ACVR2A: variants seen among roughly 807,000 people sequenced by gnomAD.
ACVR2A encodes activin receptor type-2A.
A neutral mutation model predicts 61.4 loss-of-function variants in ACVR2A; 7 were observed. The ratio of observed to expected loss-of-function variants is 0.11; its 90% CI spans 0.06 to 0.21. The LOEUF (loss-of-function observed/expected upper bound fraction) is 0.21. Among genes scored for constraint, ACVR2A ranks in the 10% least tolerant of loss-of-function variants. The pLI is 1.00. For missense variants in ACVR2A, 322 were observed against 621.7 expected (o/e 0.52, Z 5.13); for synonymous variants, 193 against 208.3 (o/e 0.93, Z 0.63).
At chr2:147,914,241 A>T (rs1397536186) in intron 4 of ACVR2A, among the ~76,000 whole-genome samples, 1 of 151,904 alleles carries the variant, frequency 6.6e-6, no homozygotes, top group Non-Finnish European at 1.5e-5. Flanking sequence ...AATACTCATT[A>T]TGCAGCCCTC....
intron 1 of ACVR2A, among the ~76,000 whole-genome samples, chr2:147,889,673 G>T (rs1373450208): frequency 6.6e-6 from 1 of 152,072 alleles, no homozygotes; most frequent in Non-Finnish European, 1.5e-5. Flanking sequence ...CATGGACCCA[G>T]GAGGCGGAGG....
In ACVR2A at chr2:147,896,336, C is replaced by T. The variant is rs1246268853; in HGVS notation, c.91C>T (p.Leu31Phe). The change falls in exon 2 of 11, where the codon CTT becomes TTT. Residue 31 changes from leucine (L) to phenylalanine (F), a missense_variant. Physicochemically the swap from Leu to Phe is conservative, Grantham distance 22. Around this residue, in one of 3 missense-constraint regions of ACVR2A, gnomAD observed 142 missense variants for 200.3 expected, o/e 0.71. Transcript: ENST00000241416. ...TGGTAGATCAGAAACTCAGGAGTGT[C>T]TTTTCTTTAATGCTAATTGGGAAAA... is the stretch of plus-strand genomic sequence containing the variant. ...ILGRSETQEC[L>F]FFNANWEKDR... 1 of 1,613,790 alleles carries T rather than the reference C, an allele frequency of 6.2e-7. No homozygotes were observed. Among genetic ancestry groups the T allele is most frequent in the South Asian group, 1.1e-5 (1 of 91,074 alleles).
intron 9 of ACVR2A, among the ~76,000 whole-genome samples, chr2:147,923,766 C>T (rs1441571373): frequency 3.3e-5 from 5 of 151,882 alleles, no homozygotes; most frequent in East Asian, 1.9e-4. Flanking sequence ...GCAAACTTGC[C>T]GACTGCTAAA....
intron 1 of ACVR2A, among the ~76,000 whole-genome samples, chr2:147,878,552 G>T (rs1686216558): frequency 6.6e-6 from 1 of 152,026 alleles, no homozygotes; most frequent in African/African-American, 2.4e-5. Flanking sequence ...CTCTGAGTTT[G>T]AGGGGAAGAC....
intron 1 of ACVR2A, among the ~76,000 whole-genome samples, chr2:147,880,391 C>T (rs1424263048): frequency 6.6e-6 from 1 of 151,894 alleles, no homozygotes; most frequent in African/African-American, 2.4e-5. Flanking sequence ...TTTTATATTT[C>T]TTTATTAATC....
chr2:147,891,792 T>G (rs2105184467), intron 1 of ACVR2A, among the ~76,000 whole-genome samples: 1 of 152,292 alleles, frequency 6.6e-6, no homozygotes, highest in East Asian at 1.9e-4. Context: ...CATAAAAAAA[T>G]TGCCATTCCT....
chr2:147,922,332 C>G (rs1573713799), intron 8 of ACVR2A, among the ~76,000 whole-genome samples: 1 of 151,978 alleles, frequency 6.6e-6, no homozygotes, highest in Admixed American at 6.6e-5. Context: ...CTCTCTAGTT[C>G]GAATACATCG....
intron 1 of ACVR2A, among the ~76,000 whole-genome samples, chr2:147,858,139 T>C (rs371901802): frequency 1.4e-3 from 220 of 152,346 alleles, no homozygotes; most frequent in Non-Finnish European, 2.6e-3. Context: ...GGACGTGCTC[T>C]CGTTTGCTTT....
chr2:147,866,811 G>T (rs1685867792), intron 1 of ACVR2A, among the ~76,000 whole-genome samples: 1 of 152,144 alleles, frequency 6.6e-6, no homozygotes, highest in Non-Finnish European at 1.5e-5. Flanking sequence ...TTCTGATAGG[G>T]ATATCAAATA....
chr2:147,875,452 C>T (rs1686129605), intron 1 of ACVR2A, among the ~76,000 whole-genome samples: 1 of 151,896 alleles, frequency 6.6e-6, no homozygotes, highest in Non-Finnish European at 1.5e-5. Flanking sequence ...TTTATTTAAT[C>T]CTACACATAA....
intron 4 of ACVR2A, among the ~76,000 whole-genome samples, chr2:147,909,708 G>T (rs1307493432): frequency 6.6e-6 from 1 of 152,122 alleles, no homozygotes; most frequent in Non-Finnish European, 1.5e-5. Context: ...CATGATCACA[G>T]CCCACTGCAG....
intron 1 of ACVR2A, among the ~76,000 whole-genome samples, chr2:147,864,828 G>T (rs760138956): frequency 1.3e-5 from 2 of 152,054 alleles, no homozygotes. Context: ...TACTATGTTC[G>T]TCTCATTGTG....
Position 147,899,883 on chromosome 2 carries a change from A to G in ACVR2A, c.513A>G (p.Val171=). ...YRHHKMAYPP[V]LVPTQDPGPP... is the part of the protein sequence containing the mutation. ...ATCACAAGATGGCCTACCCTCCTGT[A>G]CTTGTTCCAACTCAAGTAAGTTATT... The change falls in exon 4 of 11, where the codon GTA becomes GTG. Residue 171 remains valine, a synonymous_variant. Coordinates refer to ENST00000241416, the MANE Select transcript of ACVR2A (RefSeq NM_001616.5). 6.2e-7 allele frequency: 1 copy of G among 1,613,294 alleles called. No individual in the cohort carries two copies. The highest frequency in any genetic ancestry group is 8.5e-7 in the Non-Finnish European group (1 of 1,179,516).
chr2:147,883,465 A>T (rs1220300938), intron 1 of ACVR2A, among the ~76,000 whole-genome samples: 1 of 152,228 alleles, frequency 6.6e-6, no homozygotes, highest in African/African-American at 2.4e-5. Context: ...TGCTGGGATT[A>T]CAGGCATGAG....
chr2:147,867,372 T>C (rs1458368728), intron 1 of ACVR2A, among the ~76,000 whole-genome samples: 1 of 152,170 alleles, frequency 6.6e-6, no homozygotes, highest in East Asian at 1.9e-4. Context: ...AAAATTAAAA[T>C]TGAAACCATT....
chr2:147,899,061 G>A (rs898884839), intron 2 of ACVR2A, among the ~76,000 whole-genome samples: 1 of 151,926 alleles, frequency 6.6e-6, no homozygotes, highest in African/African-American at 2.4e-5. Context: ...TTCAGTTTTT[G>A]TATTCACAGA....
chr2:147,922,918 T>A lies in ACVR2A; in HGVS notation c.1078-55T>A, dbSNP rs965815643. The A allele has an allele frequency of 5.7e-6, 9 of 1,569,432 alleles. No homozygotes were observed. In the Admixed American group the frequency reaches 1.3e-4, roughly 23 times the overall value. On this transcript the variant is annotated intron_variant, in intron 8 of 10. Transcript: ENST00000241416. ...TTTTGATTCATCTTACAAAATCATA[T>A]GTTAGTTCATAAAGTTAATGAATGA...
intron 4 of ACVR2A, among the ~76,000 whole-genome samples, chr2:147,907,486 A>G (rs1052376415): frequency 3.3e-5 from 5 of 152,178 alleles, no homozygotes; most frequent in African/African-American, 9.6e-5. Flanking sequence ...ATTTCTCCAC[A>G]GCCTCGCCAG....
At chr2:147,915,768 T>A (rs1184716881) in intron 5 of ACVR2A, among the ~76,000 whole-genome samples, 2 of 151,888 alleles carry the variant, frequency 1.3e-5, no homozygotes, top group Non-Finnish European at 2.9e-5. Flanking sequence ...CTACTTTGAG[T>A]GTTTAATTAT....
Sources: allele counts gnomAD v4.1 joint callset (sites outside exome capture counted in the v4.1 genomes callset), GRCh38; gene constraint gnomAD v4.1.1; regional missense constraint gnomAD v4.1.1; transcripts MANE v1.5; gene names NCBI Gene and HGNC (gene_info 2026-07-23, HGNC 2026-07-21).